The following COBL variants were observed in gnomAD, a reference collection of about 807,000 sequenced individuals.
COBL encodes the protein protein cordon-bleu.
COBL carries 51 observed loss-of-function variants against 98.8 expected under a neutral mutation model. The ratio of observed to expected loss-of-function variants is 0.52; its 90% CI spans 0.41 to 0.65. The LOEUF is 0.65. Ranked by LOEUF, COBL falls within the 30% of genes least tolerant of loss-of-function variation. The probability of loss-of-function intolerance (pLI) is 0.00; values close to 1 mark genes in which losing one functional copy is unlikely to be tolerated. For missense variants in COBL, 1,617 were observed against 1,617.5 expected (o/e 1.00, Z 0.01); for synonymous variants, 634 against 651.7 (o/e 0.97, Z 0.41).
intron 6 of COBL, among the ~76,000 whole-genome samples, chr7:51,090,219 G>A (rs78979471): frequency 1.1e-3 from 166 of 152,200 alleles, no homozygotes; most frequent in African/African-American, 3.2e-3. Flanking sequence ...AGGAAGCCCC[G>A]CACCTCAGTT....
At chr7:51,066,637 A>C (rs1429114926) in intron 7 of COBL, among the ~76,000 whole-genome samples, 2 of 152,230 alleles carry the variant, frequency 1.3e-5, no homozygotes, top group African/African-American at 4.8e-5. Context: ...GGGTTACTCC[A>C]GGAAAAGTGC....
chr7:51,029,315 C>T lies in COBL; in HGVS notation c.1781G>A (p.Arg594Lys), dbSNP rs751659338. Residue 594 changes from arginine (R) to lysine (K), a missense_variant, in exon 10 of 13, where the codon AGG (arginine) becomes AAG (lysine). Physicochemically the swap from Arg to Lys is conservative, Grantham distance 26. Around this residue, in one of 3 missense-constraint regions of COBL, gnomAD observed 1,304 missense variants for 1,282.0 expected, o/e 1.02. Coordinates refer to ENST00000265136, the MANE Select transcript of COBL (RefSeq NM_015198.5). The stretch of plus-strand genomic sequence containing the variant: ...GGGGTGCAGGGCAGGTACTTCCTCC[C>T]TTGCCTTTTCATGGGGCTGGCTGTG... ...AEHSQPHEKA[R>K]EEVPALHPAS... 2.0e-5 allele frequency: 32 copies of T among 1,601,176 alleles called. No homozygotes were observed. In the Admixed American group the frequency reaches 2.0e-4, roughly 10 times the overall value.
intron 8 of COBL, among the ~76,000 whole-genome samples, chr7:51,036,149 C>A (rs1471290271): frequency 6.6e-6 from 1 of 152,092 alleles, no homozygotes; most frequent in Non-Finnish European, 1.5e-5. Context: ...TGAGACCAGC[C>A]TGGCCAACAG....
At chr7:51,172,128 T>G (rs939156662) in intron 5 of COBL, among the ~76,000 whole-genome samples, 7 of 152,136 alleles carry the variant, frequency 4.6e-5, no homozygotes, top group Admixed American at 3.3e-4. Context: ...AGCTATAGGG[T>G]TGGAAAACAG....
chr7:51,184,316 G>C (rs952789651), intron 4 of COBL, 117 bp from the exon 5 acceptor site: 18 of 589,172 alleles, frequency 3.1e-5, no homozygotes, highest in Non-Finnish European at 4.6e-5. Context: ...TCTTGTAAGA[G>C]AGGGAAAGCC....
At chr7:51,312,628 GAC>G (rs940043901) in intron 1 of COBL, among the ~76,000 whole-genome samples, 5 of 152,028 alleles carry the variant, frequency 3.3e-5, no homozygotes, top group African/African-American at 1.2e-4. Context: ...CACTTGCGTG[GAC>G]ACAGATTATG....
rs201588895 is a variant in COBL, at chr7:51,100,932, A to AC, written c.958-15629_958-15628insG. On this transcript the variant is annotated intron_variant, in intron 6 of 12. Coordinates refer to ENST00000265136, the MANE Select transcript of COBL (RefSeq NM_015198.5). ...AAGAAACAAAAAAAAAACAACAACA[A>AC]AAAAAAACGCAGCAGCAGCTCTTTT... is the stretch of plus-strand genomic sequence containing the variant. 4.2e-3 allele frequency among the ~76,000 whole-genome samples: 636 copies of AC among 151,760 alleles called. 6 individuals are homozygous for AC. The highest frequency in any genetic ancestry group is 0.027 in the South Asian group (130 of 4,810).
chr7:51,203,005 C>T (rs1791280559), intron 2 of COBL, among the ~76,000 whole-genome samples: 1 of 152,030 alleles, frequency 6.6e-6, no homozygotes, highest in Non-Finnish European at 1.5e-5. Flanking sequence ...CGCACCACTG[C>T]ACTCCAGCCT....
At chr7:51,215,974 T>TTGTAAAGGGGATGCAATGGCC (rs539484331) in intron 2 of COBL, among the ~76,000 whole-genome samples, 1 of 152,246 alleles carries the variant, frequency 6.6e-6, no homozygotes, top group Admixed American at 6.5e-5. Flanking sequence ...AGCTTGTCTG[T>TTGTAAAGGGGATGCAATGGCC]TGTAAAGGGG....
Position 51,084,183 on chromosome 7 carries a change from C to T in COBL, c.1096+983G>A, listed in dbSNP as rs778258119. 2.7e-4 allele frequency among the ~76,000 whole-genome samples: 41 copies of T among 152,272 alleles called. 1 individual carries two copies. Among genetic ancestry groups the T allele is most frequent in the Middle Eastern group, 3.4e-3 (1 of 294 alleles). ...GCGAGGAACTGACTAAGGGGAAAGA[C>T]GCTGACAAACTGCCACGGAGCTCTC... On this transcript the variant is annotated intron_variant, in intron 7 of 12. Coordinates refer to ENST00000265136, the MANE Select transcript of COBL (RefSeq NM_015198.5).
Position 51,028,242 on chromosome 7 carries a change from C to A in COBL, c.2854G>T (p.Gly952Trp), listed in dbSNP as rs139783292. Residue 952 changes from glycine to tryptophan, a missense_variant, in exon 10 of 13, where the codon GGG becomes TGG. Physicochemically the swap from Gly to Trp is radical, Grantham distance 184 (BLOSUM62 -2). This residue lies in a region of COBL where 1,304 missense variants were observed against 1,282.0 expected (regional missense o/e 1.02). Transcript: ENST00000265136. ...TTCCTGTGTGGGCCAATGACCTCCC[C>A]CCTAGGAGGGGCTCCCACTGCCAAA... ...EDLAVGAPPR[G>W]EVIGPHRKLS... 2 of 1,613,982 alleles carry A rather than the reference C, an allele frequency of 1.2e-6. No individual in the cohort carries two copies. Among genetic ancestry groups the A allele is most frequent in the Non-Finnish European group, 8.5e-7 (1 of 1,179,900 alleles).
Position 51,248,180 on chromosome 7 carries a change from AAAGAT to A in COBL, c.42-28241_42-28237del, listed in dbSNP as rs1314301215. On this transcript the variant is annotated intron_variant, in intron 1 of 12. Transcript: ENST00000265136. Reference sequence around the variant, plus strand: ...ACAGAGTCTACCACTTTGAGGCACAAAAGATAAGAGTTTAATATAAAGAATTTTCC... The same window carrying A: ...ACAGAGTCTACCACTTTGAGGCACAAAAGAGTTTAATATAAAGAATTTTCC... 7.2e-5 allele frequency among the ~76,000 whole-genome samples: 11 copies of A among 152,354 alleles called. No individual in the cohort carries two copies. In the East Asian group the frequency reaches 1.7e-3, roughly 24 times the overall value.
chr7:51,274,057 A>G (rs911088813), intron 1 of COBL, among the ~76,000 whole-genome samples: 2 of 152,054 alleles, frequency 1.3e-5, no homozygotes, highest in African/African-American at 4.8e-5. Context: ...GTAGCCTCGA[A>G]TACCACCATG....
intron 1 of COBL, among the ~76,000 whole-genome samples, chr7:51,306,341 A>T (rs1181098686): frequency 6.6e-6 from 1 of 152,150 alleles, no homozygotes; most frequent in East Asian, 1.9e-4. Flanking sequence ...CCAGCTCATT[A>T]CTGAGGCTCT....
At chr7:51,017,865 G>C (rs1486550723) in intron 12 of COBL, among the ~76,000 whole-genome samples, 1 of 152,222 alleles carries the variant, frequency 6.6e-6, no homozygotes, top group Non-Finnish European at 1.5e-5. Flanking sequence ...AGAGGACACT[G>C]CCTCTTGGGC....
At position 51,085,117 on chromosome 7, in the gene COBL, G is replaced by C. The variant is rs757147431; in HGVS notation, c.1096+49C>G. The C allele has an allele frequency of 1.9e-6, 3 of 1,611,794 alleles. No homozygotes were observed. In the East Asian group the frequency reaches 6.7e-5, roughly 36 times the overall value. On this transcript the variant is annotated intron_variant, in intron 7 of 12. Coordinates refer to ENST00000265136, the MANE Select transcript of COBL (RefSeq NM_015198.5). Reference sequence around the variant, plus strand: ...GTTCACATCAGAGCTGACATTCCAGGACAGAGCAAGCATCCCCGCATGCAG... The same window carrying C: ...GTTCACATCAGAGCTGACATTCCAGCACAGAGCAAGCATCCCCGCATGCAG...
rs536396851 is a variant in COBL at position 51,284,963 on chromosome 7, T to C, written c.41+31630A>G. Among the ~76,000 whole-genome samples, 942 of 151,946 alleles carry C rather than the reference T, an allele frequency of 6.2e-3. 12 individuals carry two copies. Among genetic ancestry groups the C allele is most frequent in the African/African-American group, 0.021 (888 of 41,454 alleles). ...CTTCCATCCAACTTTTTTTTTTTTTTTTGAGACAGAGTCTTGGTCTGTCAC... is the reference window on the plus strand; with the variant it reads ...CTTCCATCCAACTTTTTTTTTTTTTCTTGAGACAGAGTCTTGGTCTGTCAC... On this transcript the variant is annotated intron_variant, in intron 1 of 12. Coordinates refer to ENST00000265136, the MANE Select transcript of COBL (RefSeq NM_015198.5).
At chr7:51,235,425 C>T (rs933901740) in intron 1 of COBL, among the ~76,000 whole-genome samples, 2 of 152,210 alleles carry the variant, frequency 1.3e-5, no homozygotes, top group African/African-American at 2.4e-5. Flanking sequence ...TCTCTTCCTA[C>T]GTCCAAGAAC....
chr7:51,305,995 C>G (rs1406931145), intron 1 of COBL, among the ~76,000 whole-genome samples: 1 of 152,128 alleles, frequency 6.6e-6, no homozygotes, highest in East Asian at 1.9e-4. Context: ...GAGATCGCAT[C>G]ACTGCACTCC....
Sources: gnomAD v4.1 joint callset for allele counts (sites outside exome capture counted in the v4.1 genomes callset) on GRCh38, gnomAD v4.1.1 for gene constraint, gnomAD v4.1.1 regional missense constraint, MANE v1.5 for transcripts, NCBI Gene and HGNC (gene_info 2026-07-23, HGNC 2026-07-21) for gene names.